The following EXOC4 variants were observed in gnomAD, a reference collection of about 807,000 sequenced individuals.
EXOC4 encodes SEC8-like 1.
Under a neutral mutation model 107.2 loss-of-function variants are expected in EXOC4, and 71 were observed. That is an observed-to-expected ratio of 0.66 (90% confidence interval 0.55 to 0.81). The LOEUF (loss-of-function observed/expected upper bound fraction) is 0.81. Ranked by LOEUF, EXOC4 falls within the 30% of genes least tolerant of loss-of-function variation. The pLI is 0.00. For synonymous variants in EXOC4, 456 were observed against 441.2 expected, an observed-to-expected ratio of 1.03 and a Z score of -0.42; for missense variants, 1,108 against 1,189.6, an observed-to-expected ratio of 0.93 and a Z score of 1.01.
At chr7:134,012,146 C>T (rs1275841710) in intron 17 of EXOC4, among the ~76,000 whole-genome samples, 1 of 152,088 alleles carries the variant, frequency 6.6e-6, no homozygotes, top group Non-Finnish European at 1.5e-5. Context: ...TTTTACTTTG[C>T]ATGAGGTAGG....
intron 17 of EXOC4, among the ~76,000 whole-genome samples, chr7:134,049,239 A>C (rs992322056): frequency 2.0e-5 from 3 of 152,208 alleles, no homozygotes; most frequent in Admixed American, 6.5e-5. Flanking sequence ...AAATCTTGGT[A>C]ATAATAAATG....
In EXOC4 at chr7:133,483,064, A is replaced by G. The variant is rs1799192025; in HGVS notation, c.1417+2926A>G. Among the ~76,000 whole-genome samples, 3 of 152,302 alleles carry G rather than the reference A, an allele frequency of 2.0e-5. No homozygotes were observed. The South Asian group carries it at 6.2e-4, about 32-fold the overall frequency. The stretch of plus-strand genomic sequence containing the variant: ...ACTTTCCATACTGCATTGTGGAACA[A>G]TGCTCTCTTGTTTGAGTTTGCCACG... On this transcript the variant is annotated intron_variant, in intron 9 of 17. Transcript: ENST00000253861.
intron 14 of EXOC4, among the ~76,000 whole-genome samples, chr7:133,943,815 T>C (rs1043228962): frequency 1.3e-5 from 2 of 152,160 alleles, no homozygotes; most frequent in Admixed American, 1.3e-4. Flanking sequence ...ATAACCATGG[T>C]TTCCCTTTCC....
chr7:133,321,426 G>A lies in EXOC4; in HGVS notation c.763+4036G>A, dbSNP rs188962506. Among the ~76,000 whole-genome samples, 8 of 152,002 alleles carry A rather than the reference G, an allele frequency of 5.3e-5. No homozygotes were observed. In the East Asian group the frequency reaches 1.2e-3, roughly 22 times the overall value. On this transcript the variant is annotated intron_variant, in intron 5 of 17. Coordinates refer to ENST00000253861, the MANE Select transcript of EXOC4 (RefSeq NM_021807.4). ...CTAATGCTATCCCTCCCCTAGCCCC[G>A]CCCTGACCGAAAGGCCCAGGTGTGT...
intron 12 of EXOC4, among the ~76,000 whole-genome samples, chr7:133,915,111 C>T (rs1423038372): frequency 1.3e-5 from 2 of 152,122 alleles, no homozygotes; most frequent in Non-Finnish European, 2.9e-5. Context: ...GTAAAGTAGA[C>T]CTTGGAGAGA....
At chr7:133,270,624 G>T (rs1793845402) in intron 1 of EXOC4, among the ~76,000 whole-genome samples, 1 of 152,172 alleles carries the variant, frequency 6.6e-6, no homozygotes, top group South Asian at 2.1e-4. Context: ...GTAGAAATTA[G>T]AAAGAGGCTG....
intron 10 of EXOC4, among the ~76,000 whole-genome samples, chr7:133,706,298 CTATGA>C (rs1214443584): frequency 1.3e-5 from 2 of 152,108 alleles, no homozygotes; most frequent in African/African-American, 4.8e-5. Flanking sequence ...CAGCATACTA[CTATGA>C]TTTTACTTTA....
intron 5 of EXOC4, among the ~76,000 whole-genome samples, chr7:133,335,117 T>A (rs1795481829): frequency 6.6e-6 from 1 of 152,246 alleles, no homozygotes; most frequent in Non-Finnish European, 1.5e-5. Context: ...TGGAGGTGTA[T>A]CGTTAAATTT....
At chr7:134,007,606 G>A in intron 16 of EXOC4, 70 bp from the exon 17 acceptor site, 2 of 1,429,374 alleles carry the variant, frequency 1.4e-6, no homozygotes, top group South Asian at 1.5e-5. Flanking sequence ...AATTCTGTGT[G>A]CAAGTTTCTG....
chr7:133,332,978 T>A (rs1221445053), intron 5 of EXOC4, among the ~76,000 whole-genome samples: 2 of 152,246 alleles, frequency 1.3e-5, no homozygotes, highest in African/African-American at 4.8e-5. Context: ...ATTTTAAAGT[T>A]ATCAAATGTC....
chr7:133,678,383 C>T (rs1172305875), intron 10 of EXOC4, among the ~76,000 whole-genome samples: 1 of 152,198 alleles, frequency 6.6e-6, no homozygotes. Flanking sequence ...CAGCTTATTG[C>T]ACTATGTGTT....
At chr7:133,627,863 C>T (rs1171544445) in intron 9 of EXOC4, among the ~76,000 whole-genome samples, 2 of 152,098 alleles carry the variant, frequency 1.3e-5, no homozygotes, top group South Asian at 2.1e-4. Flanking sequence ...AAAACGTATG[C>T]TCTGATTAGT....
At chr7:133,808,209 G>A (rs1797125544) in intron 10 of EXOC4, among the ~76,000 whole-genome samples, 2 of 152,162 alleles carry the variant, frequency 1.3e-5, no homozygotes, top group Admixed American at 1.3e-4. Flanking sequence ...ACAGATAGTA[G>A]TTACACTCAG....
chr7:133,897,578 A>C (rs79536918), intron 12 of EXOC4, among the ~76,000 whole-genome samples: 2,397 of 152,262 alleles, frequency 0.016, 75 homozygotes, highest in African/African-American at 0.053. Context: ...TGAAATAGAA[A>C]TAATAATTCA....
intron 10 of EXOC4, among the ~76,000 whole-genome samples, chr7:133,696,728 C>T (rs1257712291): frequency 1.3e-5 from 2 of 152,118 alleles, no homozygotes; most frequent in Non-Finnish European, 2.9e-5. Context: ...GCATTAATCC[C>T]ACTTTCCTCT....
At chr7:133,793,926 C>G (rs1056418509) in intron 10 of EXOC4, among the ~76,000 whole-genome samples, 1 of 152,186 alleles carries the variant, frequency 6.6e-6, no homozygotes, top group Non-Finnish European at 1.5e-5. Flanking sequence ...TCAGGTACCT[C>G]ACATAACTTT....
chr7:133,387,673 G>T (rs1301186845), intron 7 of EXOC4, among the ~76,000 whole-genome samples: 1 of 152,134 alleles, frequency 6.6e-6, no homozygotes, highest in Admixed American at 6.5e-5. Flanking sequence ...TCATGTAATG[G>T]AGGGGAGAAA....
chr7:133,972,360 A>G (rs1450069784), intron 14 of EXOC4, among the ~76,000 whole-genome samples: 3 of 152,212 alleles, frequency 2.0e-5, no homozygotes. Context: ...CTCATGTGAC[A>G]GAAAAATTTT....
intron 9 of EXOC4, among the ~76,000 whole-genome samples, chr7:133,519,422 T>TA (rs1799941629): frequency 6.6e-6 from 1 of 151,324 alleles, no homozygotes; most frequent in African/African-American, 2.4e-5. Flanking sequence ...GACCCTATCT[T>TA]AAAAAAAAGG....
Sources: gnomAD v4.1 joint callset for allele counts (sites outside exome capture counted in the v4.1 genomes callset) on GRCh38, gnomAD v4.1.1 for gene constraint, MANE v1.5 for transcripts, NCBI Gene and HGNC (gene_info 2026-07-23, HGNC 2026-07-21) for gene names.